ABHD18: variants seen among roughly 807,000 people sequenced by gnomAD.
ABHD18 encodes abhydrolase domain containing 18.
A neutral mutation model predicts 65.9 loss-of-function variants in ABHD18; 55 were observed. The ratio of observed to expected loss-of-function variants is 0.84; its 90% confidence interval spans 0.67 to 1.05. The LOEUF is 1.05. Among genes scored for constraint, ABHD18 ranks in the 50% least tolerant of loss-of-function variants. The pLI is 0.00. For synonymous variants in ABHD18, 181 were observed against 180.2 expected, an observed-to-expected ratio of 1.00 and a Z score of -0.04; for missense variants, 533 against 558.5, an observed-to-expected ratio of 0.95 and a Z score of 0.46.
intron 2 of ABHD18, among the ~76,000 whole-genome samples, chr4:127,983,819 C>T (rs1749477776): frequency 6.6e-6 from 1 of 151,568 alleles, no homozygotes; most frequent in East Asian, 1.9e-4. Context: ...GAGCCGAGAT[C>T]GCGCTACTGC....
chr4:127,988,063 T>C (rs72618811), intron 3 of ABHD18, among the ~76,000 whole-genome samples: 4,612 of 152,276 alleles, frequency 0.03, 303 homozygotes, highest in East Asian at 0.27. Flanking sequence ...AAGTAAAAGA[T>C]AGGCAAATAA....
At chr4:127,992,247 G>T (rs974244299) in intron 4 of ABHD18, among the ~76,000 whole-genome samples, 1 of 151,986 alleles carries the variant, frequency 6.6e-6, no homozygotes, top group African/African-American at 2.4e-5. Flanking sequence ...CTAGGAGGGC[G>T]GATCACCTGA....
Position 128,028,585 on chromosome 4 carries a change from C to T in ABHD18, c.912C>T (p.Asn304=). 3 of 1,613,768 alleles carry T rather than the reference C, an allele frequency of 1.9e-6. No homozygotes were observed. The highest frequency in any genetic ancestry group is 2.5e-6 in the Non-Finnish European group (3 of 1,179,808). ...VSRTLNLDIS[N]QVVSQKPADC... ...GAACTTTAAATTTAGATATATCAAA[C>T]CAAGTTGTATCCCAAAAACCTGCTG... Residue 304 remains asparagine (N), a synonymous_variant, in exon 11 of 13, where the codon AAC becomes AAT. Transcript: ENST00000645843.
At position 128,011,655 on chromosome 4, in the gene ABHD18, T is replaced by G; in HGVS notation, c.443-18T>G. 1 of 1,540,458 alleles carries G rather than the reference T, an allele frequency of 6.5e-7. No homozygotes were observed. The highest frequency in any genetic ancestry group is 8.8e-7 in the Non-Finnish European group (1 of 1,141,282). On this transcript the variant is annotated intron_variant, in intron 6 of 12. Transcript: ENST00000645843. ...TATTTAATTATTTTAAAACTTTCTC[T>G]TTGACCCACATTCTTAAATGGCTGC...
At chr4:128,001,708 T>C (rs750055241) in intron 4 of ABHD18, 29 of 1,544,616 alleles carry the variant, frequency 1.9e-5, no homozygotes, top group Non-Finnish European at 2.4e-5. Flanking sequence ...TTCTTTTCTG[T>C]CTTCCAGGAT....
chr4:127,994,601 AAAAC>A (rs1245717842), intron 4 of ABHD18, among the ~76,000 whole-genome samples: 1 of 152,206 alleles, frequency 6.6e-6, no homozygotes, highest in African/African-American at 2.4e-5. Flanking sequence ...ACAAACAAAA[AAAAC>A]AAACAAAATG....
intron 4 of ABHD18, chr4:128,001,614 C>A: frequency 9.0e-7 from 1 of 1,113,762 alleles, no homozygotes; most frequent in Non-Finnish European, 1.2e-6. Context: ...CTTTATTATC[C>A]CTCATACTTA....
chr4:127,988,196 T>G lies in ABHD18; in HGVS notation c.178-1525T>G, dbSNP rs191987146. Among the ~76,000 whole-genome samples, 432 of 152,296 alleles carry G rather than the reference T, an allele frequency of 2.8e-3. 3 individuals are homozygous for G. Among genetic ancestry groups the G allele is most frequent in the African/African-American group, 9.7e-3 (404 of 41,558 alleles). On this transcript the variant is annotated intron_variant, in intron 3 of 12. Coordinates refer to ENST00000645843, the MANE Select transcript of ABHD18 (RefSeq NM_001358451.3). ...ATTTAATAGATGACATTTGTCCAAC[T>G]GACTACAAAAAAAATTTTTGGTTTT...
At chr4:128,014,933 C>A (rs143297379) in intron 7 of ABHD18, among the ~76,000 whole-genome samples, 290 of 152,254 alleles carry the variant, frequency 1.9e-3, no homozygotes, top group African/African-American at 6.7e-3. Context: ...CAGAAATTAG[C>A]TGGGCATGGT....
rs988650348 is a variant in ABHD18 at position 128,038,768 on chromosome 4, G to A, written c.*2955G>A. 1.3e-5 allele frequency: 2 copies of A among 152,086 alleles called. No individual in the cohort carries two copies. Among genetic ancestry groups the A allele is most frequent in the African/African-American group, 4.8e-5 (2 of 41,408 alleles). The allele number at this position is 152,086 out of a possible 1,614,324, so 9.4% of individuals were successfully genotyped here. A position where few individuals can be genotyped will look rare whatever the true frequency, so the allele number is the denominator to read the frequency against. On this transcript the variant is annotated 3_prime_UTR_variant, in exon 13 of 13. Coordinates refer to ENST00000645843, the MANE Select transcript of ABHD18 (RefSeq NM_001358451.3). ...TTTAAAAAAAATACAAAATTAGCCA[G>A]GCGTGGTGGCACATGCCTGTAATCC...
At chr4:127,998,348 T>C (rs1462423466) in intron 4 of ABHD18, among the ~76,000 whole-genome samples, 2 of 146,436 alleles carry the variant, frequency 1.4e-5, no homozygotes, top group Non-Finnish European at 3.0e-5. Flanking sequence ...ACTGGCACGA[T>C]CTCGGCTTAC....
At chr4:128,017,908 C>G (rs1385409263) in intron 8 of ABHD18, among the ~76,000 whole-genome samples, 1 of 152,060 alleles carries the variant, frequency 6.6e-6, no homozygotes, top group Non-Finnish European at 1.5e-5. Context: ...TTCCTAATTG[C>G]TTTCTCTGTC....
At chr4:127,986,604 G>T (rs929714395) in intron 3 of ABHD18, among the ~76,000 whole-genome samples, 1 of 152,186 alleles carries the variant, frequency 6.6e-6, no homozygotes, top group Non-Finnish European at 1.5e-5. Flanking sequence ...GTCATGTGAT[G>T]ATAACTCTAA....
At chr4:128,022,534 T>G (rs938730468) in intron 10 of ABHD18, among the ~76,000 whole-genome samples, 1 of 152,226 alleles carries the variant, frequency 6.6e-6, no homozygotes, top group Non-Finnish European at 1.5e-5. Flanking sequence ...CCTCTACTGA[T>G]GCTTAATGAC....
chr4:127,965,472 C>T lies in ABHD18; in HGVS notation c.-152C>T. On this transcript the variant is annotated 5_prime_UTR_variant, in exon 1 of 13. Coordinates refer to ENST00000645843, the MANE Select transcript of ABHD18 (RefSeq NM_001358451.3). ...CCGTTTCTCCTTCCGCTGTATCTAG[C>T]ATTTCGGTTCCTGGAAAGGTTACCG... The T allele has an allele frequency of 2.2e-6, 1 of 446,032 alleles. No individual in the cohort carries two copies. The highest frequency in any genetic ancestry group is 2.3e-5 in the South Asian group (1 of 44,248). The allele number at this position is 446,032 out of a possible 1,614,324, so 27.6% of individuals were successfully genotyped here.
chr4:127,991,009 G>A (rs749615693), intron 4 of ABHD18, among the ~76,000 whole-genome samples: 1 of 151,916 alleles, frequency 6.6e-6, no homozygotes, highest in Non-Finnish European at 1.5e-5. Flanking sequence ...GATTATAAGC[G>A]TGTGCCACCA....
intron 11 of ABHD18, 122 bp from the exon 12 acceptor site, chr4:128,030,388 T>G (rs1291518326): frequency 1.6e-6 from 1 of 623,352 alleles, no homozygotes; most frequent in Non-Finnish European, 2.5e-6. Flanking sequence ...GGTAGCATAT[T>G]ATAGTTGATT....
chr4:127,978,354 T>G (rs1748363792), intron 1 of ABHD18, among the ~76,000 whole-genome samples: 1 of 152,070 alleles, frequency 6.6e-6, no homozygotes, highest in Non-Finnish European at 1.5e-5. Context: ...CATTTTACAA[T>G]GACCGCCAAT....
In ABHD18 at chr4:127,967,049, G is replaced by A. The variant is rs1025784524; in HGVS notation, c.-18+1443G>A. 2.3e-4 allele frequency among the ~76,000 whole-genome samples: 35 copies of A among 152,192 alleles called. No individual in the cohort carries two copies. In the Middle Eastern group the frequency reaches 0.027, roughly 118 times the overall value. On this transcript the variant is annotated intron_variant, in intron 1 of 12. Transcript: ENST00000645843. ...TTGGTTCCAAAAAGACACATAGGTA[G>A]AAAAGTTAGTATTTTCTTGCCATAA...
Sources: allele counts gnomAD v4.1 joint callset (sites outside exome capture counted in the v4.1 genomes callset), GRCh38; gene constraint gnomAD v4.1.1; transcripts MANE v1.5; gene names NCBI Gene and HGNC (gene_info 2026-07-23, HGNC 2026-07-21).